ERICH6B: variants seen among roughly 807,000 people sequenced by gnomAD.
ERICH6B encodes the protein glutamate-rich protein 6B.
Under a neutral mutation model 80.0 loss-of-function variants are expected in ERICH6B, and 69 were observed. The observed-to-expected ratio is 0.86, with a 90% CI of 0.71 to 1.05. The LOEUF (loss-of-function observed/expected upper bound fraction) is 1.05. Among genes scored for constraint, ERICH6B ranks in the 50% least tolerant of loss-of-function variants. The pLI is 0.00. For missense variants in ERICH6B, 754 were observed against 796.1 expected, an observed-to-expected ratio of 0.95 and a Z score of 0.64; for synonymous variants, 283 against 291.9, an observed-to-expected ratio of 0.97 and a Z score of 0.31.
chr13:45,605,454 A>G (rs1799878102), intron 2 of ERICH6B, among the ~76,000 whole-genome samples: 1 of 152,132 alleles, frequency 6.6e-6, no homozygotes, highest in Non-Finnish European at 1.5e-5. Context: ...TGTTTAATGG[A>G]TTCATCATTG....
chr13:45,597,181 C>T, intron 2 of ERICH6B, 118 bp from the exon 3 acceptor site: 3 of 690,536 alleles, frequency 4.3e-6, no homozygotes, highest in Non-Finnish European at 4.7e-6. Context: ...TTTAAGTATG[C>T]AGATCAGTAC....
chr13:45,597,082 TA>T lies in ERICH6B; in HGVS notation c.-58-20del, dbSNP rs775853758. The T allele has an allele frequency of 2.4e-4, 341 of 1,427,826 alleles. 3 individuals are homozygous for T. The South Asian group carries it at 3.7e-3, about 16-fold the overall frequency. 88.4% of individuals were successfully genotyped at this position (1,427,826 alleles called of 1,614,324 possible). A position where few individuals can be genotyped will look rare whatever the true frequency, so the allele number is the denominator to read the frequency against. On this transcript the variant is annotated intron_variant, in intron 2 of 14. Transcript: ENST00000298738. ...TATTATCCTGTATCCAAGAAAGGAA[TA>T]AAATCCTATTAGCCAGTAATAGCAA... is the stretch of plus-strand genomic sequence containing the variant.
At chr13:45,606,545 A>T (rs1403618416) in intron 2 of ERICH6B, among the ~76,000 whole-genome samples, 1,095 of 12,142 alleles carry the variant, frequency 0.09, 30 homozygotes, top group Non-Finnish European at 0.13. Flanking sequence ...ATATATATAT[A>T]TATTTTTTTT....
intron 5 of ERICH6B, among the ~76,000 whole-genome samples, chr13:45,583,727 T>G (rs1480787100): frequency 3.3e-5 from 5 of 152,220 alleles, no homozygotes; most frequent in Admixed American, 2.0e-4. Flanking sequence ...AAGGGGAAAC[T>G]TCTTTCGTTT....
intron 13 of ERICH6B, among the ~76,000 whole-genome samples, chr13:45,547,519 G>A (rs1212095667): frequency 2.0e-5 from 3 of 152,182 alleles, no homozygotes; most frequent in Admixed American, 6.5e-5. Context: ...TGGATGTGCA[G>A]TTAGACTTAA....
At chr13:45,576,402 T>C (rs74342668) in intron 7 of ERICH6B, among the ~76,000 whole-genome samples, 8,881 of 152,282 alleles carry the variant, frequency 0.058, 365 homozygotes, top group South Asian at 0.12. Flanking sequence ...TCAGCTTGAT[T>C]CTAAAAACAC....
intron 5 of ERICH6B, among the ~76,000 whole-genome samples, chr13:45,585,060 G>A (rs530291159): frequency 6.6e-6 from 1 of 152,310 alleles, no homozygotes; most frequent in South Asian, 2.1e-4. Context: ...CCAAGCAAGG[G>A]AACATGGACA....
intron 13 of ERICH6B, 22 bp downstream of exon 13, chr13:45,549,871 G>A: frequency 6.5e-7 from 1 of 1,546,126 alleles, no homozygotes; most frequent in Non-Finnish European, 8.7e-7. Flanking sequence ...AGGAGTGTTA[G>A]GGACTCATGA....
At chr13:45,550,808 G>A (rs1874191773) in intron 11 of ERICH6B, among the ~76,000 whole-genome samples, 1 of 152,076 alleles carries the variant, frequency 6.6e-6, no homozygotes. Context: ...TTCATGTGGT[G>A]CTCTCTGTAT....
In ERICH6B at chr13:45,573,035, G is replaced by A. The variant is rs115776131; in HGVS notation, c.1050+1807C>T. On this transcript the variant is annotated intron_variant, in intron 8 of 14. Transcript: ENST00000298738. ...AACTTACTGGTAGGGAAATTTGTCAGTGCTTTTTGAGTTAAGGATGCAGAT... is the reference window on the plus strand; with the variant it reads ...AACTTACTGGTAGGGAAATTTGTCAATGCTTTTTGAGTTAAGGATGCAGAT... 7.4e-3 allele frequency among the ~76,000 whole-genome samples: 1,133 copies of A among 152,234 alleles called. 14 individuals carry two copies. The highest frequency in any genetic ancestry group is 0.025 in the African/African-American group (1,056 of 41,554).
At chr13:45,546,347 C>A (rs760936812) in intron 13 of ERICH6B, among the ~76,000 whole-genome samples, 1 of 152,164 alleles carries the variant, frequency 6.6e-6, no homozygotes, top group East Asian at 1.9e-4. Flanking sequence ...AGAAAGGAAG[C>A]GATGCTGAGG....
At position 45,543,765 on chromosome 13, in the gene ERICH6B, G is replaced by A. The variant is rs114121607; in HGVS notation, c.1872+995C>T. 4.2e-3 allele frequency among the ~76,000 whole-genome samples: 640 copies of A among 152,252 alleles called. 5 individuals carry two copies. The highest frequency in any genetic ancestry group is 0.015 in the African/African-American group (611 of 41,530). ...AGCCCTAAGAAACAAATACAGCATT[G>A]GTCGTCTCCTGCCTGCCTGGGGAGT... is the stretch of plus-strand genomic sequence containing the variant. On this transcript the variant is annotated intron_variant, in intron 14 of 14. Coordinates refer to ENST00000298738, the MANE Select transcript of ERICH6B (RefSeq NM_182542.3).
chr13:45,592,305 G>T (rs978919198), intron 3 of ERICH6B, among the ~76,000 whole-genome samples: 4 of 152,186 alleles, frequency 2.6e-5, no homozygotes, highest in Admixed American at 1.3e-4. Context: ...ACCAGCTCTG[G>T]GGCTCAGCGT....
intron 2 of ERICH6B, among the ~76,000 whole-genome samples, chr13:45,604,610 A>C (rs1949846573): frequency 6.6e-6 from 1 of 152,260 alleles, no homozygotes; most frequent in Non-Finnish European, 1.5e-5. Context: ...TGTTTGAAAG[A>C]AAAAATTGTT....
intron 11 of ERICH6B, among the ~76,000 whole-genome samples, chr13:45,560,881 G>A (rs567980834): frequency 5.8e-4 from 88 of 152,242 alleles, no homozygotes; most frequent in African/African-American, 2.1e-3. Context: ...TTTTGATATG[G>A]ATTCTAATTT....
At position 45,568,250 on chromosome 13, in the gene ERICH6B, C is replaced by A; in HGVS notation, c.1187+65G>T. The stretch of plus-strand genomic sequence containing the variant: ...TTGTTGATGGCTCAGTTTACACTTT[C>A]CCTGCTGCCACCTCTGGCATACCCA... On this transcript the variant is annotated intron_variant, in intron 9 of 14. Coordinates refer to ENST00000298738, the MANE Select transcript of ERICH6B (RefSeq NM_182542.3). 2.1e-6 allele frequency: 3 copies of A among 1,451,916 alleles called. No homozygotes were observed. In the South Asian group the frequency reaches 4.6e-5, roughly 22 times the overall value. The allele number at this position is 1,451,916 out of a possible 1,614,324, so 89.9% of individuals were successfully genotyped here. A position where few individuals can be genotyped will look rare whatever the true frequency, so the allele number is the denominator to read the frequency against.
chr13:45,569,291 A>G (rs1428712894), intron 8 of ERICH6B, among the ~76,000 whole-genome samples: 1 of 152,106 alleles, frequency 6.6e-6, no homozygotes, highest in African/African-American at 2.4e-5. Context: ...ATGCCCAGCT[A>G]ATTTTTGTAT....
At chr13:45,564,314 G>C (rs1874825350) in intron 9 of ERICH6B, among the ~76,000 whole-genome samples, 1 of 152,212 alleles carries the variant, frequency 6.6e-6, no homozygotes, top group Non-Finnish European at 1.5e-5. Flanking sequence ...TTAACACACA[G>C]AGTGAGTCAT....
chr13:45,606,547 ATTTTTTTTTTT>A (rs71074722), intron 2 of ERICH6B, among the ~76,000 whole-genome samples: 2 of 16,608 alleles, frequency 1.2e-4, no homozygotes, highest in South Asian at 2.9e-3. Context: ...ATATATATAT[ATTTTTTTTTTT>A]TTTTTTTTTT....
Sources: gnomAD v4.1 joint callset for allele counts (sites outside exome capture counted in the v4.1 genomes callset) on GRCh38, gnomAD v4.1.1 for gene constraint, MANE v1.5 for transcripts, NCBI Gene and HGNC (gene_info 2026-07-23, HGNC 2026-07-21) for gene names.